Variants in RERE observed in about 807,000 individuals in gnomAD.
RERE encodes the protein arginine-glutamic acid dipeptide repeats protein.
RERE carries 40 observed loss-of-function variants against 146.1 expected under a neutral mutation model. That is an observed-to-expected ratio of 0.27 (90% CI 0.21 to 0.36). The LOEUF is 0.36. Among genes scored for constraint, RERE ranks in the 10% least tolerant of loss-of-function variants. The pLI, the probability that RERE is intolerant of heterozygous loss-of-function variation, is 1.00. For synonymous variants in RERE, 1,003 were observed against 866.0 expected (o/e 1.16, Z -2.78); for missense variants, 1,933 against 2,138.7 (o/e 0.90, Z 1.90).
At chr1:8,630,934 T>A (rs1647027958) in intron 2 of RERE, among the ~76,000 whole-genome samples, 1 of 152,352 alleles carries the variant, frequency 6.6e-6, no homozygotes, top group African/African-American at 2.4e-5. Context: ...CCCTCTTTTT[T>A]AAACATAATA....
chr1:8,606,974 T>C (rs1453190911), intron 4 of RERE, among the ~76,000 whole-genome samples: 2 of 152,220 alleles, frequency 1.3e-5, no homozygotes, highest in Non-Finnish European at 2.9e-5. Context: ...ACTTTAAGTG[T>C]ATTACTTCAA....
At chr1:8,705,327 G>T (rs1322173157) in intron 1 of RERE, among the ~76,000 whole-genome samples, 3 of 152,078 alleles carry the variant, frequency 2.0e-5, no homozygotes, top group Non-Finnish European at 4.4e-5. Context: ...CCACTTTGCA[G>T]TTACACCAGT....
chr1:8,422,110 G>A lies in RERE; in HGVS notation c.1284+617C>T, dbSNP rs548183430. Among the ~76,000 whole-genome samples, 18 of 152,218 alleles carry A rather than the reference G, an allele frequency of 1.2e-4. 1 individual carries two copies. In the South Asian group the frequency reaches 1.7e-3, roughly 14 times the overall value. ...CAAATCCTTCTACCTCACGTTTATC[G>A]GGCACATTTGTCAGCTCTGACCCCC... On this transcript the variant is annotated intron_variant, in intron 12 of 22. Coordinates refer to ENST00000400908, the MANE Select transcript of RERE (RefSeq NM_001042681.2).
At chr1:8,711,684 G>A (rs1163518660) in intron 1 of RERE, among the ~76,000 whole-genome samples, 3 of 152,172 alleles carry the variant, frequency 2.0e-5, no homozygotes, top group Non-Finnish European at 4.4e-5. Context: ...GAGGCCCCTC[G>A]TGTATTTTGA....
At chr1:8,494,865 CACAG>C (rs1483466011) in intron 10 of RERE, among the ~76,000 whole-genome samples, 194 bp downstream of exon 10, 4 of 152,182 alleles carry the variant, frequency 2.6e-5, no homozygotes, top group African/African-American at 9.7e-5. Context: ...AAACCTGCAG[CACAG>C]ACACAGATTA....
chr1:8,639,995 A>G (rs182573899), intron 2 of RERE, among the ~76,000 whole-genome samples: 22 of 152,282 alleles, frequency 1.4e-4, no homozygotes, highest in African/African-American at 5.1e-4. Context: ...AAAATTAAGA[A>G]TAAAAAGCAC....
In RERE at chr1:8,554,763, G is replaced by A. The variant is rs111909235; in HGVS notation, c.725+1712C>T. On this transcript the variant is annotated intron_variant, in intron 6 of 22. Coordinates refer to ENST00000400908, the MANE Select transcript of RERE (RefSeq NM_001042681.2). ...AACAATATTCCAGGATTAAGTCACC[G>A]GTCCCAGGTAACAATATTCCAGGAT... is the stretch of plus-strand genomic sequence containing the variant. Among the ~76,000 whole-genome samples the A allele has an allele frequency of 8.7e-5, 13 of 150,154 alleles. No individual in the cohort carries two copies. The South Asian group carries it at 1.3e-3, about 15-fold the overall frequency.
intron 4 of RERE, among the ~76,000 whole-genome samples, chr1:8,604,481 A>T (rs983321474): frequency 5.6e-5 from 8 of 143,980 alleles, no homozygotes; most frequent in African/African-American, 1.5e-4. Context: ...GCAGAGCTCC[A>T]TCTCCACACA....
intron 1 of RERE, among the ~76,000 whole-genome samples, chr1:8,764,131 T>G (rs1470101351): frequency 6.6e-6 from 1 of 152,080 alleles, no homozygotes; most frequent in Admixed American, 6.6e-5. Context: ...TGTCTTCCCT[T>G]TCCCTCATCA....
At chr1:8,648,909 T>C (rs1256916401) in intron 2 of RERE, among the ~76,000 whole-genome samples, 1 of 150,432 alleles carries the variant, frequency 6.6e-6, no homozygotes, top group Non-Finnish European at 1.5e-5. Context: ...AATTAATACA[T>C]ACTTTTGAAA....
chr1:8,365,501 T>C (rs1172401593), intron 13 of RERE, among the ~76,000 whole-genome samples: 1 of 152,208 alleles, frequency 6.6e-6, no homozygotes, highest in Non-Finnish European at 1.5e-5. Context: ...ATGGAAAACC[T>C]TCCCAGGACA....
At chr1:8,713,442 TA>T (rs1361481885) in intron 1 of RERE, among the ~76,000 whole-genome samples, 3 of 152,134 alleles carry the variant, frequency 2.0e-5, no homozygotes, top group African/African-American at 7.2e-5. Flanking sequence ...TTTTTTTAAT[TA>T]AAAACTTTGG....
chr1:8,480,911 T>C (rs1311626149), intron 10 of RERE, among the ~76,000 whole-genome samples: 1 of 152,134 alleles, frequency 6.6e-6, no homozygotes, highest in Non-Finnish European at 1.5e-5. Flanking sequence ...CTCTTTAACA[T>C]GGAAAAAAAT....
At chr1:8,453,674 C>T (rs953278276) in intron 11 of RERE, among the ~76,000 whole-genome samples, 1 of 152,082 alleles carries the variant, frequency 6.6e-6, no homozygotes, top group Non-Finnish European at 1.5e-5. Context: ...GGTGTGGTGA[C>T]ACACACCTGT....
At chr1:8,533,523 A>G (rs1252338118) in intron 7 of RERE, among the ~76,000 whole-genome samples, 3 of 152,134 alleles carry the variant, frequency 2.0e-5, no homozygotes, top group Non-Finnish European at 4.4e-5. Context: ...AACATTTTAC[A>G]TATGCTTCTG....
At chr1:8,547,521 GGTT>G (rs2124404801) in intron 6 of RERE, among the ~76,000 whole-genome samples, 1 of 152,138 alleles carries the variant, frequency 6.6e-6, no homozygotes, top group Admixed American at 6.5e-5. Flanking sequence ...CATGTACCAC[GGTT>G]GTATAAAGCA....
chr1:8,457,601 A>T (rs1035665614), intron 11 of RERE, among the ~76,000 whole-genome samples: 26 of 151,642 alleles, frequency 1.7e-4, no homozygotes, highest in Admixed American at 5.3e-4. Context: ...TACTTTATAT[A>T]TTTATTTATT....
intron 10 of RERE, among the ~76,000 whole-genome samples, chr1:8,474,064 TCTCA>T (rs1225240538): frequency 6.6e-6 from 1 of 152,238 alleles, no homozygotes; most frequent in Non-Finnish European, 1.5e-5. Flanking sequence ...AATCTGCTAC[TCTCA>T]CTCTGCCTGA....
chr1:8,364,710 C>G lies in RERE; in HGVS notation c.1540+36G>C, dbSNP rs1271847312. The G allele has an allele frequency of 3.3e-6, 5 of 1,514,656 alleles. No homozygotes were observed. The highest frequency in any genetic ancestry group is 4.6e-6 in the Non-Finnish European group (5 of 1,089,816). The allele number at this position is 1,514,656 out of a possible 1,614,324, so 93.8% of individuals were successfully genotyped here. A position where few individuals can be genotyped will look rare whatever the true frequency, so the allele number is the denominator to read the frequency against. On this transcript the variant is annotated intron_variant, in intron 14 of 22. Coordinates refer to ENST00000400908, the MANE Select transcript of RERE (RefSeq NM_001042681.2). The surrounding 1 kb of genome is among the most constrained non-coding windows in gnomAD (Gnocchi z 5.1). ...TTCAGAACATGGAAGTGCTTGTGCC[C>G]CCGCCCCGCCCCAGGAGCGTGACGA...
Sources: allele counts gnomAD v4.1 joint callset (sites outside exome capture counted in the v4.1 genomes callset), GRCh38; gene constraint gnomAD v4.1.1; non-coding constraint Gnocchi (gnomAD v3.1); transcripts MANE v1.5; gene names NCBI Gene and HGNC (gene_info 2026-07-23, HGNC 2026-07-21).